SLC47A2: variants seen among roughly 807,000 people sequenced by gnomAD.
SLC47A2 encodes solute carrier family 47 member 2, also known as multidrug and toxin extrusion protein 2.
SLC47A2 carries 52 observed loss-of-function variants against 67.7 expected under a neutral mutation model. The ratio of observed to expected loss-of-function variants is 0.77; its 90% confidence interval spans 0.61 to 0.97. The LOEUF is 0.97. Ranked by LOEUF, SLC47A2 falls within the 50% of genes least tolerant of loss-of-function variation. The pLI is 0.00. For missense variants in SLC47A2, 676 were observed against 712.3 expected (o/e 0.95, Z 0.58); for synonymous variants, 278 against 292.9 (o/e 0.95, Z 0.52).
intron 5 of SLC47A2, 126 bp downstream of exon 5, chr17:19,712,577 G>T: frequency 3.2e-6 from 3 of 943,712 alleles, no homozygotes; most frequent in Non-Finnish European, 1.7e-6. Context: ...ACTTTTGTCA[G>T]TCACCCTCAT....
chr17:19,695,727 C>G (rs1377506205), intron 13 of SLC47A2, among the ~76,000 whole-genome samples: 1 of 141,686 alleles, frequency 7.1e-6, no homozygotes. Context: ...ACTGAAATTC[C>G]TTTTTTTTTT....
chr17:19,712,847 C>A lies in SLC47A2; in HGVS notation c.444-102G>T, dbSNP rs549138600. ...AGGACTGGGTGCTCGGCCGCTGTCC[C>A]AGGGTCTCAGCCAGGACTGTGAAAC... On this transcript the variant is annotated intron_variant, in intron 4 of 16. Transcript: ENST00000433844. 75 of 1,119,612 alleles carry A rather than the reference C, an allele frequency of 6.7e-5. No individual in the cohort carries two copies. In the South Asian group the frequency reaches 9.5e-4, roughly 14 times the overall value. 69.4% of individuals were successfully genotyped at this position (1,119,612 alleles called of 1,614,324 possible). A position where few individuals can be genotyped will look rare whatever the true frequency, so the allele number is the denominator to read the frequency against.
rs564092010 is a variant in SLC47A2, at chr17:19,685,803, C to CTAAA, written c.1165-4137_1165-4134dup. 7.6e-3 allele frequency among the ~76,000 whole-genome samples: 1,160 copies of CTAAA among 151,990 alleles called. 4 individuals are homozygous for CTAAA. The highest frequency in any genetic ancestry group is 0.026 in the East Asian group (135 of 5,180). On this transcript the variant is annotated intron_variant, in intron 13 of 16. Coordinates refer to ENST00000433844, the MANE Select transcript of SLC47A2 (RefSeq NM_001099646.3). The surrounding 1 kb of genome is among the most constrained non-coding windows in gnomAD (Gnocchi z 4.5). ...AACACCCAAAAATGATCAATAAATACTAAATAAATAAATAAATAAATAAAC... is the reference window on the plus strand; with the variant it reads ...AACACCCAAAAATGATCAATAAATACTAAATAAATAAATAAATAAATAAATAAAC...
At chr17:19,716,029 A>G in intron 1 of SLC47A2, 1 of 175,036 alleles carries the variant, frequency 5.7e-6, no homozygotes, top group Non-Finnish European at 1.2e-5. Flanking sequence ...TGATCAGAAA[A>G]AATAAATGTA....
Position 19,690,456 on chromosome 17 carries a change from A to C in SLC47A2, c.1165-8786T>G, listed in dbSNP as rs144635877. On this transcript the variant is annotated intron_variant, in intron 13 of 16. Transcript: ENST00000433844. The stretch of plus-strand genomic sequence containing the variant: ...TCAAGTTAAAAAGCTTCTGTACAGC[A>C]AAGGAAACAATCAACAAAGTGAAGA... Among the ~76,000 whole-genome samples, 311 of 152,300 alleles carry C rather than the reference A, an allele frequency of 2.0e-3. 4 individuals carry two copies. In the East Asian group the frequency reaches 0.048, roughly 23 times the overall value.
In SLC47A2 at chr17:19,715,191, C is replaced by T; in HGVS notation, c.150G>A (p.Met50Ile). 1 of 1,611,288 alleles carries T rather than the reference C, an allele frequency of 6.2e-7. No homozygotes were observed. Among genetic ancestry groups the T allele is most frequent in the Middle Eastern group, 1.6e-4 (1 of 6,062 alleles). ...AGAACACAGTGCTCACGATGTAGAT[C>T]ATAAAAGTCAGCACCTGGAACAGGA... ...PLFLFQVLTFMIYIVSTVFCG... is the reference protein window; with the variant it reads ...PLFLFQVLTFIIYIVSTVFCG... Residue 50 changes from methionine to isoleucine, a missense_variant, in exon 2 of 17, where the codon ATG becomes ATA. Transcript: ENST00000433844.
At chr17:19,702,866 C>G (rs1331241672) in intron 12 of SLC47A2, among the ~76,000 whole-genome samples, 192 bp from the exon 13 acceptor site, 1 of 152,172 alleles carries the variant, frequency 6.6e-6, no homozygotes, top group Non-Finnish European at 1.5e-5. Context: ...TTCAGAAGAG[C>G]CCCCACAATT....
chr17:19,708,604 C>A, intron 6 of SLC47A2, 112 bp downstream of exon 6: 1 of 1,593,106 alleles, frequency 6.3e-7, no homozygotes, highest in South Asian at 1.1e-5. Context: ...TGACCCCTTT[C>A]AAGAGCTGGT....
At chr17:19,679,598 C>T (rs2085269152) in intron 16 of SLC47A2, among the ~76,000 whole-genome samples, 1 of 152,174 alleles carries the variant, frequency 6.6e-6, no homozygotes, top group African/African-American at 2.4e-5. Context: ...AGATCATGGG[C>T]TCTTGAATCT....
intron 13 of SLC47A2, among the ~76,000 whole-genome samples, chr17:19,687,058 C>T (rs2085445258): frequency 6.6e-6 from 1 of 152,094 alleles, no homozygotes; most frequent in South Asian, 2.1e-4. Context: ...CAAAACAAGT[C>T]TTAAAAAATT....
At chr17:19,690,581 A>T (rs2085517653) in intron 13 of SLC47A2, among the ~76,000 whole-genome samples, 1 of 152,228 alleles carries the variant, frequency 6.6e-6, no homozygotes, top group African/African-American at 2.4e-5. Flanking sequence ...TATAGAAAAA[A>T]ATCTAATCCG....
intron 4 of SLC47A2, among the ~76,000 whole-genome samples, chr17:19,712,949 C>T (rs956363992): frequency 1.3e-5 from 2 of 152,014 alleles, no homozygotes; most frequent in African/African-American, 4.8e-5. Flanking sequence ...AACACCCAGG[C>T]CTCAGGATGA....
At chr17:19,689,594 G>A (rs1049469426) in intron 13 of SLC47A2, among the ~76,000 whole-genome samples, 2 of 151,866 alleles carry the variant, frequency 1.3e-5, no homozygotes, top group African/African-American at 4.8e-5. Flanking sequence ...CTACTCAGGA[G>A]GCTGAAGTGA....
At chr17:19,691,434 C>T (rs928510530) in intron 13 of SLC47A2, among the ~76,000 whole-genome samples, 2 of 152,130 alleles carry the variant, frequency 1.3e-5, no homozygotes, top group African/African-American at 4.8e-5. Flanking sequence ...GGAATAGGAT[C>T]CTGTCACTTG....
Position 19,681,371 on chromosome 17 carries a change from T to C in SLC47A2, c.1388A>G (p.Glu463Gly). Residue 463 changes from glutamate to glycine, a missense_variant, in exon 15 of 17, where the codon GAG (glutamate) becomes GGG (glycine). Glu to Gly is a moderately conservative substitution (Grantham distance 98). Transcript: ENST00000433844. ...TARLDWKLAA[E>G]EAKKHSGRQQ... ...AGGGTCAGCTGACCCACTTACCTCC[T>C]CTGCAGCAAGCTTCCAGTCCAGCCG... 1.9e-6 allele frequency: 3 copies of C among 1,605,584 alleles called. No homozygotes were observed. Among genetic ancestry groups the C allele is most frequent in the Non-Finnish European group, 2.6e-6 (3 of 1,175,534 alleles).
chr17:19,681,234 A>T (rs559471519), intron 15 of SLC47A2, 133 bp downstream of exon 15: 11 of 731,400 alleles, frequency 1.5e-5, no homozygotes, highest in Non-Finnish European at 2.5e-5. Context: ...AACAAAAAAA[A>T]AAAACACCTG....
intron 13 of SLC47A2, among the ~76,000 whole-genome samples, chr17:19,686,373 G>C (rs1482201488): frequency 6.6e-6 from 1 of 152,072 alleles, no homozygotes; most frequent in Non-Finnish European, 1.5e-5. Flanking sequence ...TCACAAAAAG[G>C]AAGACAAGAA....
At chr17:19,683,249 G>A (rs1479914334) in intron 13 of SLC47A2, among the ~76,000 whole-genome samples, 2 of 152,174 alleles carry the variant, frequency 1.3e-5, no homozygotes, top group African/African-American at 4.8e-5. Context: ...GGGGGAAAGT[G>A]TTACAGCATC....
intron 16 of SLC47A2, 109 bp from the exon 17 acceptor site, chr17:19,679,015 C>A: frequency 1.2e-6 from 1 of 847,842 alleles, no homozygotes; most frequent in Non-Finnish European, 1.9e-6. Flanking sequence ...TGTTACACCT[C>A]ACAAGGGACG....
Sources: allele counts gnomAD v4.1 joint callset (sites outside exome capture counted in the v4.1 genomes callset), GRCh38; gene constraint gnomAD v4.1.1; non-coding constraint Gnocchi (gnomAD v3.1); transcripts MANE v1.5; gene names NCBI Gene and HGNC (gene_info 2026-07-23, HGNC 2026-07-21).